Variants in CWC25 observed in about 807,000 individuals in gnomAD.
CWC25 encodes CWC25 spliceosome associated protein.
In CWC25, 31 loss-of-function variants were observed where a neutral mutation model predicts 54.6. The observed-to-expected ratio is 0.57, with a 90% CI of 0.43 to 0.77. The LOEUF is 0.77. Ranked by LOEUF, CWC25 falls within the 30% of genes least tolerant of loss-of-function variation. The probability of loss-of-function intolerance (pLI) is 0.00; values close to 1 mark genes in which losing one functional copy is unlikely to be tolerated. For synonymous variants in CWC25, 151 were observed against 187.0 expected, an observed-to-expected ratio of 0.81 and a Z score of 1.57; for missense variants, 453 against 529.3, an observed-to-expected ratio of 0.86 and a Z score of 1.41.
chr17:38,802,169 C>G lies in CWC25; in HGVS notation c.1201G>C (p.Glu401Gln), dbSNP rs781017126. Residue 401 changes from glutamate (E) to glutamine (Q), a missense_variant, in exon 10 of 10, where the codon GAG (glutamate) becomes CAG (glutamine). By Grantham distance (29) the Glu-to-Gln change is conservative (BLOSUM62 2). Transcript: ENST00000614790. ...KLESASTSSL[E>Q]DRVKRNIYSL... ...TAGATATTCCGCTTCACCCGATCCT[C>G]CAGGGAGGAAGTAGATGCACTCTCC... 11 of 1,613,748 alleles carry G rather than the reference C, an allele frequency of 6.8e-6. No individual in the cohort carries two copies. The highest frequency in any genetic ancestry group is 1.7e-6 in the Non-Finnish European group (2 of 1,179,792).
At chr17:38,818,209 G>C (rs903742589) in intron 2 of CWC25, among the ~76,000 whole-genome samples, 2 of 151,728 alleles carry the variant, frequency 1.3e-5, no homozygotes, top group South Asian at 4.2e-4. Context: ...CCAGGAGGCA[G>C]ATGTTGCAGT....
At chr17:38,802,913 A>T in intron 8 of CWC25, 52 bp from the exon 9 acceptor site, 1 of 1,605,610 alleles carries the variant, frequency 6.2e-7, no homozygotes, top group Non-Finnish European at 8.5e-7. Flanking sequence ...AAAAAACCAG[A>T]AGCAGCACAA....
chr17:38,812,924 A>C, intron 3 of CWC25, 60 bp from the exon 4 acceptor site: 1 of 954,914 alleles, frequency 1.0e-6, no homozygotes, highest in Non-Finnish European at 1.6e-6. Context: ...CTATGGAGTA[A>C]CCTTTTCTCC....
chr17:38,814,377 T>C (rs1911612537), intron 3 of CWC25, among the ~76,000 whole-genome samples: 1 of 150,522 alleles, frequency 6.6e-6, no homozygotes, highest in South Asian at 2.1e-4. Context: ...ACCACCTCAG[T>C]TCACGCCATT....
rs1315689147 is a variant in CWC25, at chr17:38,802,060, T to C, written c.*32A>G. The C allele has an allele frequency of 1.4e-6, 2 of 1,415,654 alleles. No homozygotes were observed. The highest frequency in any genetic ancestry group is 2.0e-6 in the Non-Finnish European group (2 of 1,004,078). The allele number at this position is 1,415,654 out of a possible 1,614,324, so 87.7% of individuals were successfully genotyped here. On this transcript the variant is annotated 3_prime_UTR_variant, in exon 10 of 10. Transcript: ENST00000614790. ...AGGGGTCAGCAGCTTCCCTGGAAAA[T>C]GCAGGAAAACCAATAAGAGAGGGGA...
In CWC25 at chr17:38,825,142, C is replaced by G. The variant is rs778662019; in HGVS notation, c.18+24G>C. ...TTTCCGTCCCGGCCTCAGTCCTCCC[C>G]CGCCCAGGCCTCCCTCCACTCACCA... On this transcript the variant is annotated intron_variant, in intron 1 of 9. Coordinates refer to ENST00000614790, the MANE Select transcript of CWC25 (RefSeq NM_017748.5). 18 of 1,534,388 alleles carry G rather than the reference C, an allele frequency of 1.2e-5. 1 individual carries two copies. The South Asian group carries it at 2.1e-4, about 18-fold the overall frequency.
rs1911899507 is a variant in CWC25 at position 38,820,962 on chromosome 17, G to A, written c.130C>T (p.Leu44=). Residue 44 remains leucine, a synonymous_variant, in exon 2 of 10, where the codon CTG becomes TTG. Coordinates refer to ENST00000614790, the MANE Select transcript of CWC25 (RefSeq NM_017748.5). ...TCTTCCCGGGCTCTCTCTTCTCGCA[G>A]CTCCCGCTGAAGCTCCTCAATCTTC... ...RKKIEELQRE[L]REERAREEMQ... The A allele has an allele frequency of 1.2e-6, 2 of 1,613,980 alleles. No homozygotes were observed. The highest frequency in any genetic ancestry group is 1.7e-6 in the Non-Finnish European group (2 of 1,179,902).
At chr17:38,822,139 C>T (rs1488713201) in intron 1 of CWC25, among the ~76,000 whole-genome samples, 1 of 151,978 alleles carries the variant, frequency 6.6e-6, no homozygotes. Context: ...TCTCGGGTCA[C>T]GGCAAACTCT....
chr17:38,811,540 CAA>C (rs11387199), intron 4 of CWC25, among the ~76,000 whole-genome samples: 20 of 53,352 alleles, frequency 3.7e-4, no homozygotes, highest in African/African-American at 3.3e-4. Flanking sequence ...GACTCCGTCT[CAA>C]AAAAAAAAAA....
intron 1 of CWC25, among the ~76,000 whole-genome samples, chr17:38,824,613 G>C (rs1335144583): frequency 6.6e-6 from 1 of 151,928 alleles, no homozygotes; most frequent in African/African-American, 2.4e-5. Context: ...TTGAACCCAG[G>C]AGGGAAAGGT....
chr17:38,824,145 G>T (rs1021145829), intron 1 of CWC25, among the ~76,000 whole-genome samples: 3 of 152,166 alleles, frequency 2.0e-5, no homozygotes, highest in African/African-American at 7.2e-5. Flanking sequence ...CTACTTGCTG[G>T]TTCAATTAGC....
intron 2 of CWC25, among the ~76,000 whole-genome samples, chr17:38,817,157 A>C (rs1456686327): frequency 1.4e-5 from 2 of 146,076 alleles, no homozygotes; most frequent in Non-Finnish European, 3.0e-5. Context: ...TGGCCAACAC[A>C]GTGAAACCCC....
Position 38,807,708 on chromosome 17 carries a change from A to G in CWC25, c.691-732T>C, listed in dbSNP as rs1368172589. On this transcript the variant is annotated intron_variant, in intron 6 of 9. Coordinates refer to ENST00000614790, the MANE Select transcript of CWC25 (RefSeq NM_017748.5). ...GAGGTCAAGACAGCAGTGAGCCAGG[A>G]TCACACCACTGCACTCCAGCTTGGA... 1.6e-4 allele frequency among the ~76,000 whole-genome samples: 22 copies of G among 134,694 alleles called. 4 individuals carry two copies. Among genetic ancestry groups the G allele is most frequent in the Admixed American group, 2.4e-4 (3 of 12,284 alleles). 88.4% of individuals were successfully genotyped at this position (134,694 alleles called of 152,430 possible).
intron 4 of CWC25, 88 bp from the exon 5 acceptor site, chr17:38,810,683 G>A (rs1178320260): frequency 1.4e-5 from 10 of 727,982 alleles, no homozygotes; most frequent in Non-Finnish European, 2.2e-5. Flanking sequence ...ACTTTGGGAG[G>A]CTGAGTGGAG....
At chr17:38,817,233 G>A (rs1211717948) in intron 2 of CWC25, among the ~76,000 whole-genome samples, 4 of 150,666 alleles carry the variant, frequency 2.7e-5, no homozygotes, top group Non-Finnish European at 4.4e-5. Context: ...CCAGCTACTC[G>A]GGAGGCTGAG....
At chr17:38,814,838 C>T in intron 3 of CWC25, 23 bp downstream of exon 3, 1 of 1,577,684 alleles carries the variant, frequency 6.3e-7, no homozygotes, top group Non-Finnish European at 8.7e-7. Context: ...TAACAAACCC[C>T]CTTCCTAGCC....
rs145153473 is a variant in CWC25, at chr17:38,817,741, C to T, written c.192-2644G>A. ...GGCGGAGGTTACAGTGAGCCGAGAT[C>T]GCACCACTGCACTCAAGCCTGGTGA... On this transcript the variant is annotated intron_variant, in intron 2 of 9. Coordinates refer to ENST00000614790, the MANE Select transcript of CWC25 (RefSeq NM_017748.5). 4.5e-3 allele frequency among the ~76,000 whole-genome samples: 690 copies of T among 151,946 alleles called. 7 individuals are homozygous for T. Among genetic ancestry groups the T allele is most frequent in the African/African-American group, 0.016 (670 of 41,432 alleles).
chr17:38,809,653 A>G (rs767522823), intron 6 of CWC25, 49 bp downstream of exon 6: 5 of 1,576,236 alleles, frequency 3.2e-6, no homozygotes, highest in Non-Finnish European at 4.4e-6. Flanking sequence ...TCCAAGTGGC[A>G]CATCCCACAG....
chr17:38,808,506 C>T (rs1299813497), intron 6 of CWC25, among the ~76,000 whole-genome samples: 2 of 131,312 alleles, frequency 1.5e-5, no homozygotes, highest in Non-Finnish European at 3.3e-5. Flanking sequence ...TGAGGCCAGG[C>T]ATGGTGGCTC....
Sources: allele counts gnomAD v4.1 joint callset (sites outside exome capture counted in the v4.1 genomes callset), GRCh38; gene constraint gnomAD v4.1.1; transcripts MANE v1.5; gene names NCBI Gene and HGNC (gene_info 2026-07-23, HGNC 2026-07-21).